Variants in PDGFD observed in about 807,000 individuals in gnomAD.
PDGFD encodes platelet derived growth factor D.
In PDGFD, 30 loss-of-function variants were observed where a neutral mutation model predicts 44.7. The observed-to-expected ratio is 0.67, with a 90% CI of 0.50 to 0.91. The LOEUF (loss-of-function observed/expected upper bound fraction) is 0.91. Among genes scored for constraint, PDGFD ranks in the 40% least tolerant of loss-of-function variants. PDGFD has a pLI of 0.00. For synonymous variants in PDGFD, 173 were observed against 168.4 expected, an observed-to-expected ratio of 1.03 and a Z score of -0.21; for missense variants, 445 against 457.8, an observed-to-expected ratio of 0.97 and a Z score of 0.25.
chr11:103,950,571 A>AAAATGAAAAAATAAATAAATAAAT (rs1555036628), intron 3 of PDGFD, among the ~76,000 whole-genome samples: 1 of 146,184 alleles, frequency 6.8e-6, no homozygotes, highest in African/African-American at 2.6e-5. Flanking sequence ...CTCAAAAGAA[A>AAAATGAAAAAATAAATAAATAAAT]AAATAAATAA....
At chr11:104,045,870 G>A (rs1467780864) in intron 1 of PDGFD, among the ~76,000 whole-genome samples, 1 of 147,112 alleles carries the variant, frequency 6.8e-6, no homozygotes, top group East Asian at 2.0e-4. Context: ...CTTACGAACA[G>A]GACAAGATGC....
intron 1 of PDGFD, among the ~76,000 whole-genome samples, chr11:104,058,974 G>A (rs550662266): frequency 6.6e-6 from 1 of 152,336 alleles, no homozygotes; most frequent in Admixed American, 6.5e-5. Flanking sequence ...CAGAGCATGA[G>A]GATAGGGGAG....
At chr11:103,995,759 G>A (rs886454313) in intron 3 of PDGFD, among the ~76,000 whole-genome samples, 1 of 152,156 alleles carries the variant, frequency 6.6e-6, no homozygotes, top group African/African-American at 2.4e-5. Context: ...CTATTTGGCT[G>A]TATGTTTACC....
At chr11:103,926,318 T>G (rs1565286119) in intron 6 of PDGFD, among the ~76,000 whole-genome samples, 1 of 152,252 alleles carries the variant, frequency 6.6e-6, no homozygotes, top group Non-Finnish European at 1.5e-5. Flanking sequence ...GTTATTGTGC[T>G]CTTTAAGTTT....
chr11:103,969,625 G>C (rs11226097), intron 3 of PDGFD, among the ~76,000 whole-genome samples: 2 of 151,698 alleles, frequency 1.3e-5, no homozygotes, highest in Non-Finnish European at 2.9e-5. Flanking sequence ...TGATATGTTA[G>C]AGCTACTCCT....
At chr11:104,097,896 T>C (rs2515082) in intron 1 of PDGFD, among the ~76,000 whole-genome samples, 117,225 of 152,014 alleles carry the variant, frequency 0.77, 45,321 homozygotes, top group East Asian at 0.98. Flanking sequence ...TTTAGTGGGG[T>C]CTAAATTTTA....
At chr11:104,118,937 T>G (rs1431492379) in intron 1 of PDGFD, among the ~76,000 whole-genome samples, 1 of 102,658 alleles carries the variant, frequency 9.7e-6, no homozygotes, top group African/African-American at 4.1e-5. Context: ...TATTATAATA[T>G]ATATTATAAT....
At position 103,909,720 on chromosome 11, in the gene PDGFD, T is replaced by G; in HGVS notation, c.1087A>C (p.Ile363Leu). Residue 363 changes from isoleucine (I) to leucine (L), a missense_variant, in exon 7 of 7, where the codon ATC (isoleucine) becomes CTC (leucine). Coordinates refer to ENST00000393158, the MANE Select transcript of PDGFD (RefSeq NM_025208.5). ...TATCGAGGTGGTCTTGAGCTGCAGA[T>G]ACAATCACATCGTTCATGGTGATCC... The part of the protein sequence containing the change: ...QLDHHERCDC[I>L]CSSRPPR 3.7e-6 allele frequency: 6 copies of G among 1,614,090 alleles called. No individual in the cohort carries two copies. Among genetic ancestry groups the G allele is most frequent in the Non-Finnish European group, 5.1e-6 (6 of 1,179,916 alleles).
Position 104,037,222 on chromosome 11 carries a change from G to A in PDGFD, c.125-36967C>T, listed in dbSNP as rs1052537886. ...ACAGGGCTTGGCGTCAGGAGAGAAG[G>A]TGGCCGGCCTGCAAGGTCTGGGCAG... On this transcript the variant is annotated intron_variant, in intron 1 of 6. Coordinates refer to ENST00000393158, the MANE Select transcript of PDGFD (RefSeq NM_025208.5). The A allele has an allele frequency of 5.6e-6, 9 of 1,613,616 alleles. No homozygotes were observed. The highest frequency in any genetic ancestry group is 4.0e-5 in the African/African-American group (3 of 74,944).
chr11:103,929,284 C>G (rs1858364507), intron 5 of PDGFD, among the ~76,000 whole-genome samples: 1 of 152,066 alleles, frequency 6.6e-6, no homozygotes, highest in South Asian at 2.1e-4. Flanking sequence ...GGTCAGTAAG[C>G]CATTAGTTGA....
At chr11:103,976,172 T>C (rs1357614555) in intron 3 of PDGFD, among the ~76,000 whole-genome samples, 1 of 152,180 alleles carries the variant, frequency 6.6e-6, no homozygotes, top group Non-Finnish European at 1.5e-5. Context: ...CTTATTTCCT[T>C]AAGCAGTGGT....
intron 4 of PDGFD, 92 bp from the exon 5 acceptor site, chr11:103,943,742 G>C: frequency 9.4e-7 from 1 of 1,059,768 alleles, no homozygotes; most frequent in East Asian, 2.6e-5. Flanking sequence ...ACATAAACAG[G>C]CTTCTGAGTA....
chr11:104,129,463 A>T (rs1861886121), intron 1 of PDGFD, among the ~76,000 whole-genome samples: 1 of 152,144 alleles, frequency 6.6e-6, no homozygotes. Flanking sequence ...TTTTCCAGTC[A>T]TGTCTCCAGG....
intron 3 of PDGFD, among the ~76,000 whole-genome samples, chr11:103,961,973 A>G (rs923740346): frequency 1.3e-5 from 2 of 152,174 alleles, no homozygotes; most frequent in African/African-American, 4.8e-5. Flanking sequence ...TTTTCAGTGC[A>G]TATGAAAAAT....
chr11:103,927,763 G>T (rs140490219), intron 5 of PDGFD, among the ~76,000 whole-genome samples: 1 of 152,148 alleles, frequency 6.6e-6, no homozygotes, highest in Non-Finnish European at 1.5e-5. Flanking sequence ...CTTTGGAGCC[G>T]CAGTAAAGTT....
chr11:104,083,509 G>A (rs1861076812), intron 1 of PDGFD, among the ~76,000 whole-genome samples: 1 of 152,068 alleles, frequency 6.6e-6, no homozygotes, highest in South Asian at 2.1e-4. Flanking sequence ...AGTATCACTA[G>A]ATTTCTTCAC....
At chr11:104,120,413 TA>T (rs1861760824) in intron 1 of PDGFD, among the ~76,000 whole-genome samples, 1 of 151,950 alleles carries the variant, frequency 6.6e-6, no homozygotes, top group African/African-American at 2.4e-5. Flanking sequence ...ATTCCTAGTT[TA>T]AAATTGTCAT....
chr11:104,164,016 C>G lies in PDGFD; in HGVS notation c.-89G>C, dbSNP rs1346024219. 1 of 1,365,996 alleles carries G rather than the reference C, an allele frequency of 7.3e-7. No individual in the cohort carries two copies. Among genetic ancestry groups the G allele is most frequent in the Non-Finnish European group, 9.7e-7 (1 of 1,027,880 alleles). 84.6% of individuals were successfully genotyped at this position (1,365,996 alleles called of 1,614,324 possible). A position where few individuals can be genotyped will look rare whatever the true frequency, so the allele number is the denominator to read the frequency against. On this transcript the variant is annotated 5_prime_UTR_variant, in exon 1 of 7. Coordinates refer to ENST00000393158, the MANE Select transcript of PDGFD (RefSeq NM_025208.5). ...ACGCCGCGCCGCCCTGCGCTCTCGC[C>G]GCCTGCGCTCGCCCTGCGCTGGCCC...
chr11:103,921,509 C>T (rs896945881), intron 6 of PDGFD, among the ~76,000 whole-genome samples: 7 of 151,414 alleles, frequency 4.6e-5, no homozygotes, highest in African/African-American at 1.7e-4. Context: ...TGCTCGTTGA[C>T]TTATGATGGG....
Sources: allele counts gnomAD v4.1 joint callset (sites outside exome capture counted in the v4.1 genomes callset), GRCh38; gene constraint gnomAD v4.1.1; transcripts MANE v1.5; gene names NCBI Gene and HGNC (gene_info 2026-07-23, HGNC 2026-07-21).